The following KSR2 variants were observed in gnomAD, a reference collection of about 807,000 sequenced individuals.
KSR2 encodes the protein kinase suppressor of ras 2.
In KSR2, 25 loss-of-function variants were observed where a neutral mutation model predicts 107.8. The observed-to-expected ratio is 0.23, with a 90% CI of 0.17 to 0.32. KSR2 has a LOEUF of 0.32. Ranked by LOEUF, KSR2 falls within the 10% of genes least tolerant of loss-of-function variation. The pLI, the probability that KSR2 is intolerant of heterozygous loss-of-function variation, is 1.00. For synonymous variants in KSR2, 480 were observed against 507.0 expected, an observed-to-expected ratio of 0.95 and a Z score of 0.71; for missense variants, 887 against 1,268.9, an observed-to-expected ratio of 0.70 and a Z score of 4.57.
intron 3 of KSR2, among the ~76,000 whole-genome samples, chr12:117,837,035 G>C (rs1477025063): frequency 1.3e-5 from 2 of 152,188 alleles, no homozygotes; most frequent in African/African-American, 4.8e-5. Flanking sequence ...GTCTTGCAGT[G>C]TGGCAGGGAG....
chr12:117,597,180 T>A (rs548034488), intron 5 of KSR2, among the ~76,000 whole-genome samples: 22 of 152,060 alleles, frequency 1.4e-4, no homozygotes, highest in African/African-American at 5.1e-4. Flanking sequence ...ACCTGAGGAG[T>A]TTATTTACAG....
At chr12:117,485,544 G>T (rs1434246347) in intron 15 of KSR2, 51 bp downstream of exon 15, 3 of 1,451,286 alleles carry the variant, frequency 2.1e-6, no homozygotes, top group Non-Finnish European at 2.9e-6. Flanking sequence ...TTCCCTGGGG[G>T]AAACTGGGTC....
intron 4 of KSR2, among the ~76,000 whole-genome samples, chr12:117,720,086 C>A (rs545688921): frequency 1.3e-4 from 20 of 152,180 alleles, no homozygotes; most frequent in Non-Finnish European, 2.2e-4. Flanking sequence ...TTTCTCATTT[C>A]TTATTCTTCT....
At chr12:117,573,593 T>C (rs1287753757) in intron 7 of KSR2, among the ~76,000 whole-genome samples, 4 of 144,978 alleles carry the variant, frequency 2.8e-5, no homozygotes, top group African/African-American at 7.8e-5. Flanking sequence ...AGTAGTGCAA[T>C]GTTGGCTCAC....
At chr12:117,932,655 G>A (rs374335950) in intron 1 of KSR2, among the ~76,000 whole-genome samples, 229 of 152,292 alleles carry the variant, frequency 1.5e-3, no homozygotes, top group Non-Finnish European at 2.7e-3. Context: ...CCAGGAGGTC[G>A]AGGCTGCAGT....
At chr12:117,627,558 G>C (rs891142220) in intron 5 of KSR2, among the ~76,000 whole-genome samples, 1 of 152,198 alleles carries the variant, frequency 6.6e-6, no homozygotes, top group South Asian at 2.1e-4. Flanking sequence ...TAGGGTTTCT[G>C]CTGAGAGATC....
chr12:117,740,328 T>TTATATATATGTTATATATACTATATATAG (rs1565989837), intron 4 of KSR2, among the ~76,000 whole-genome samples: 39 of 130,814 alleles, frequency 3.0e-4, no homozygotes, highest in South Asian at 2.5e-4. Flanking sequence ...CATATATACA[T>TTATATATATGTTATATATACTATATATAG]TATATATATG....
rs902453006 is a variant in KSR2, at chr12:117,959,852, G to A, written c.180+8224C>T. ...AGGCTGAAGTGGGAGGAAGGACTGAGCCTGGGAGGTCGAGGCTTCAGTGAG... is the reference window on the plus strand; with the variant it reads ...AGGCTGAAGTGGGAGGAAGGACTGAACCTGGGAGGTCGAGGCTTCAGTGAG... On this transcript the variant is annotated intron_variant, in intron 1 of 19. Transcript: ENST00000339824. Among the ~76,000 whole-genome samples, 6 of 151,902 alleles carry A rather than the reference G, an allele frequency of 3.9e-5. No individual in the cohort carries two copies. In the East Asian group the frequency reaches 1.2e-3, roughly 29 times the overall value.
At chr12:117,941,794 T>G (rs1896018361) in intron 1 of KSR2, among the ~76,000 whole-genome samples, 1 of 141,946 alleles carries the variant, frequency 7.0e-6, no homozygotes, top group African/African-American at 2.6e-5. Context: ...CCTGGCTAAT[T>G]TTTTTTTTTT....
intron 1 of KSR2, among the ~76,000 whole-genome samples, chr12:117,943,401 C>T (rs1052945943): frequency 2.6e-4 from 38 of 143,458 alleles, no homozygotes; most frequent in African/African-American, 9.3e-4. Flanking sequence ...ATAGAAGAAA[C>T]TTCTGACTCT....
chr12:117,542,054 A>G (rs1367352009), intron 9 of KSR2, among the ~76,000 whole-genome samples: 1 of 151,828 alleles, frequency 6.6e-6, no homozygotes, highest in Admixed American at 6.6e-5. Flanking sequence ...CCCAGCTTTA[A>G]AACACTTTTT....
chr12:117,495,496 C>T (rs1346921807), intron 14 of KSR2, among the ~76,000 whole-genome samples: 1 of 152,192 alleles, frequency 6.6e-6, no homozygotes, highest in African/African-American at 2.4e-5. Flanking sequence ...TATAGAGTTC[C>T]ATTAAGTAAG....
intron 3 of KSR2, among the ~76,000 whole-genome samples, chr12:117,850,647 A>G (rs1892884806): frequency 1.3e-5 from 2 of 152,074 alleles, no homozygotes; most frequent in South Asian, 4.2e-4. Flanking sequence ...ATCTCTACAA[A>G]AAATACAGAA....
At chr12:117,514,729 G>A (rs1287669621) in intron 14 of KSR2, among the ~76,000 whole-genome samples, 1 of 151,786 alleles carries the variant, frequency 6.6e-6, no homozygotes, top group Non-Finnish European at 1.5e-5. Context: ...TTTAATTTTT[G>A]TAGAGATGGG....
At chr12:117,545,562 G>A (rs559024534) in intron 9 of KSR2, among the ~76,000 whole-genome samples, 2 of 152,264 alleles carry the variant, frequency 1.3e-5, no homozygotes, top group South Asian at 2.1e-4. Context: ...TTTCATTTAA[G>A]CTATAAAATG....
At chr12:117,570,856 G>A (rs1305886601) in intron 7 of KSR2, among the ~76,000 whole-genome samples, 1 of 152,180 alleles carries the variant, frequency 6.6e-6, no homozygotes, top group East Asian at 1.9e-4. Flanking sequence ...CTCTCTCTCT[G>A]CAGTCTGTAT....
chr12:117,684,065 G>A (rs934764592), intron 4 of KSR2, among the ~76,000 whole-genome samples: 5 of 152,204 alleles, frequency 3.3e-5, no homozygotes, highest in Non-Finnish European at 7.3e-5. Context: ...AAGTTGGGAA[G>A]TGAAAACAAA....
At chr12:117,586,543 C>T (rs762767756) in intron 5 of KSR2, among the ~76,000 whole-genome samples, 1 of 145,430 alleles carries the variant, frequency 6.9e-6, no homozygotes, top group Non-Finnish European at 1.5e-5. Flanking sequence ...GCCAAGGTCG[C>T]GCCATTGCAC....
chr12:117,547,998 G>A (rs975088771), intron 9 of KSR2, among the ~76,000 whole-genome samples: 1 of 152,074 alleles, frequency 6.6e-6, no homozygotes, highest in Non-Finnish European at 1.5e-5. Flanking sequence ...CTGGGAGACT[G>A]AGGCAGGAGA....
Sources: allele counts gnomAD v4.1 joint callset (sites outside exome capture counted in the v4.1 genomes callset), GRCh38; gene constraint gnomAD v4.1.1; transcripts MANE v1.5; gene names NCBI Gene and HGNC (gene_info 2026-07-23, HGNC 2026-07-21).